AP4E1: variants seen among roughly 807,000 people sequenced by gnomAD.
The protein encoded by AP4E1 is AP-4 complex subunit epsilon-1.
Under a neutral mutation model 128.2 loss-of-function variants are expected in AP4E1, and 56 were observed. That is an observed-to-expected ratio of 0.44 (90% CI 0.35 to 0.55). The LOEUF (loss-of-function observed/expected upper bound fraction) is 0.55. AP4E1 is among the 20% of genes least tolerant of loss of function. The pLI is 0.00. For synonymous variants in AP4E1, 484 were observed against 473.1 expected (o/e 1.02, Z -0.30); for missense variants, 1,324 against 1,307.7 (o/e 1.01, Z -0.19).
intron 16 of AP4E1, among the ~76,000 whole-genome samples, chr15:50,992,018 AT>A (rs1316711922): frequency 6.7e-6 from 1 of 148,894 alleles, no homozygotes; most frequent in Non-Finnish European, 1.5e-5. Context: ...CCAAATAAAC[AT>A]TGTATATTTG....
rs2065000094 is a variant in AP4E1 at position 51,004,643 on chromosome 15, C to T, written c.*1981C>T. On this transcript the variant is annotated 3_prime_UTR_variant, in exon 21 of 21. Transcript: ENST00000261842. ...GTCTGCCCAAAGGAACATGGTGTCA[C>T]TTTTGTTCTTTCTGACCCACTAAAT... is the stretch of plus-strand genomic sequence containing the variant. 1 of 152,566 alleles carries T rather than the reference C, an allele frequency of 6.6e-6. No homozygotes were observed. The highest frequency in any genetic ancestry group is 1.5e-5 in the Non-Finnish European group (1 of 68,032). The allele number at this position is 152,566 out of a possible 1,614,324, so 9.5% of individuals were successfully genotyped here. A position where few individuals can be genotyped will look rare whatever the true frequency, so the allele number is the denominator to read the frequency against.
At chr15:50,974,906 A>G (rs965532952) in intron 15 of AP4E1, among the ~76,000 whole-genome samples, 2 of 151,922 alleles carry the variant, frequency 1.3e-5, no homozygotes, top group Non-Finnish European at 2.9e-5. Flanking sequence ...TAGGATTAAC[A>G]TATTTTGGAG....
chr15:50,970,823 T>A (rs1173919421), intron 15 of AP4E1, among the ~76,000 whole-genome samples: 4 of 152,208 alleles, frequency 2.6e-5, no homozygotes, highest in Admixed American at 1.3e-4. Flanking sequence ...GCAGTGATTC[T>A]GTATCTTTTA....
At chr15:50,984,462 C>A in intron 16 of AP4E1, among the ~76,000 whole-genome samples, 1 of 129,060 alleles carries the variant, frequency 7.7e-6, no homozygotes, top group Non-Finnish European at 1.6e-5. Flanking sequence ...TCCCCCTCCC[C>A]CCACCCCACA....
chr15:50,984,167 A>G, intron 16 of AP4E1, 22 bp downstream of exon 16: 1 of 1,612,046 alleles, frequency 6.2e-7, no homozygotes, highest in African/African-American at 1.3e-5. Context: ...TCTTATTAAA[A>G]TTGAGGTTAT....
Position 51,003,024 on chromosome 15 carries a change from C to T in AP4E1, c.*362C>T, listed in dbSNP as rs968431734. The T allele has an allele frequency of 9.5e-6, 2 of 210,120 alleles. No homozygotes were observed. Among genetic ancestry groups the T allele is most frequent in the Non-Finnish European group, 1.9e-5 (2 of 102,750 alleles). 13.0% of individuals were successfully genotyped at this position (210,120 alleles called of 1,614,324 possible). A position where few individuals can be genotyped will look rare whatever the true frequency, so the allele number is the denominator to read the frequency against. Reference sequence around the variant, plus strand: ...GCTAATTTGTAATAAAGCCAAGTCTCAGTTTTCTGCATTAAATGGAAGGGA... The same window carrying T: ...GCTAATTTGTAATAAAGCCAAGTCTTAGTTTTCTGCATTAAATGGAAGGGA... On this transcript the variant is annotated 3_prime_UTR_variant, in exon 21 of 21. Coordinates refer to ENST00000261842, the MANE Select transcript of AP4E1 (RefSeq NM_007347.5).
rs1487352766 is a variant in AP4E1 at position 50,930,962 on chromosome 15, A to G, written c.860A>G (p.Asp287Gly). The change falls in exon 7 of 21, where the codon GAT (aspartate) becomes GGT (glycine). Residue 287 changes from aspartate to glycine, a missense_variant. Physicochemically the swap from Asp to Gly is moderately conservative, Grantham distance 94 (BLOSUM62 -1). Transcript: ENST00000261842. ...AGAATACTGGGACTTCTAGGAAAAG[A>G]TGATCAAAGGTAAACTATTTTCAGT... ...LLRILGLLGK[D>G]DQRTSELMYD... 3.1e-6 allele frequency: 5 copies of G among 1,614,150 alleles called. No homozygotes were observed. Among genetic ancestry groups the G allele is most frequent in the Admixed American group, 1.7e-5 (1 of 60,028 alleles).
chr15:50,912,040 A>G (rs747647354), intron 1 of AP4E1, 38 bp from the exon 2 acceptor site: 1 of 1,474,622 alleles, frequency 6.8e-7, no homozygotes, highest in East Asian at 2.3e-5. Flanking sequence ...GTTTTAAAAG[A>G]CAGTTAATCA....
At chr15:50,925,940 T>G (rs542257736) in intron 5 of AP4E1, among the ~76,000 whole-genome samples, 105 of 152,060 alleles carry the variant, frequency 6.9e-4, no homozygotes, top group Non-Finnish European at 1.3e-3. Flanking sequence ...AGATGCTTTT[T>G]ATATCAAAAC....
At chr15:50,963,898 G>C (rs867902073) in intron 14 of AP4E1, among the ~76,000 whole-genome samples, 1 of 152,182 alleles carries the variant, frequency 6.6e-6, no homozygotes, top group Non-Finnish European at 1.5e-5. Flanking sequence ...ACTGTCACAG[G>C]ATATAAATAT....
intron 10 of AP4E1, 55 bp downstream of exon 10, chr15:50,941,830 G>T: frequency 7.3e-7 from 1 of 1,370,388 alleles, no homozygotes; most frequent in Non-Finnish European, 1.0e-6. Context: ...TAAAAATTTT[G>T]TTGGCATTGT....
At chr15:50,991,336 C>CT (rs1567261851) in intron 16 of AP4E1, among the ~76,000 whole-genome samples, 2 of 152,094 alleles carry the variant, frequency 1.3e-5, no homozygotes, top group African/African-American at 2.4e-5. Context: ...CTTGTTCTCT[C>CT]TTTTTTTGTA....
chr15:50,932,960 A>T (rs1295346231), intron 7 of AP4E1, among the ~76,000 whole-genome samples: 1 of 152,220 alleles, frequency 6.6e-6, no homozygotes, highest in Non-Finnish European at 1.5e-5. Context: ...CATGAATTTT[A>T]TATTAATGCA....
chr15:50,934,259 T>C (rs2063876316), intron 7 of AP4E1, among the ~76,000 whole-genome samples: 1 of 152,072 alleles, frequency 6.6e-6, no homozygotes, highest in Admixed American at 6.5e-5. Flanking sequence ...TAATATGCTA[T>C]CTGAAATAAT....
At chr15:50,910,393 G>A (rs2063551480) in intron 1 of AP4E1, among the ~76,000 whole-genome samples, 1 of 152,184 alleles carries the variant, frequency 6.6e-6, no homozygotes, top group African/African-American at 2.4e-5. Flanking sequence ...TTCAACAGAT[G>A]TTTATGGAAC....
intron 7 of AP4E1, among the ~76,000 whole-genome samples, chr15:50,932,760 TA>T (rs1288290002): frequency 6.6e-6 from 1 of 152,194 alleles, no homozygotes; most frequent in Admixed American, 6.5e-5. Flanking sequence ...TCACTGTTGG[TA>T]TTATAGTGTT....
rs150493129 is a variant in AP4E1, at chr15:50,964,505, T to C, written c.1852-3758T>C. 2.3e-4 allele frequency among the ~76,000 whole-genome samples: 35 copies of C among 151,964 alleles called. No individual in the cohort carries two copies. The East Asian group carries it at 6.6e-3, about 29-fold the overall frequency. On this transcript the variant is annotated intron_variant, in intron 14 of 20. Transcript: ENST00000261842. ...TTTTTTGGGATCTGTCACTGGAGAG[T>C]TATTGTGTTCCTTTGGAGGTTTTGT...
At chr15:50,981,252 A>G (rs1787022814) in intron 15 of AP4E1, among the ~76,000 whole-genome samples, 1 of 152,196 alleles carries the variant, frequency 6.6e-6, no homozygotes, top group African/African-American at 2.4e-5. Context: ...TTGAGTGTCC[A>G]ACTCCTGCCC....
At chr15:50,945,752 C>T (rs1394713222) in intron 10 of AP4E1, 4 of 767,224 alleles carry the variant, frequency 5.2e-6, no homozygotes, top group Non-Finnish European at 9.5e-6. Flanking sequence ...GGTGTGCTTA[C>T]ATCATGAGAA....
Sources: allele counts gnomAD v4.1 joint callset (sites outside exome capture counted in the v4.1 genomes callset), GRCh38; gene constraint gnomAD v4.1.1; transcripts MANE v1.5; gene names NCBI Gene and HGNC (gene_info 2026-07-23, HGNC 2026-07-21).